The following SNU13 variants were observed in gnomAD, a reference collection of about 807,000 sequenced individuals.
The protein encoded by SNU13 is NHP2-like protein 1.
Under a neutral mutation model 12.4 loss-of-function variants are expected in SNU13, and 2 were observed. The ratio of observed to expected loss-of-function variants is 0.16; its 90% CI spans 0.07 to 0.51. The LOEUF is 0.51. SNU13 is among the 20% of genes least tolerant of loss of function. The pLI is 0.96. For synonymous variants in SNU13, 68 were observed against 66.5 expected (o/e 1.02, Z -0.11); for missense variants, 66 against 157.8 (o/e 0.42, Z 3.12).
intron 2 of SNU13, among the ~76,000 whole-genome samples, 185 bp from the exon 3 acceptor site, chr22:41,675,380 ACCACTTATCCT>A (rs1327826352): frequency 6.6e-6 from 1 of 151,576 alleles, no homozygotes; most frequent in Non-Finnish European, 1.5e-5. Flanking sequence ...CATTAAATCC[ACCACTTATCCT>A]CAAAACACGT....
intron 2 of SNU13, among the ~76,000 whole-genome samples, chr22:41,675,755 T>C (rs867885760): frequency 8.0e-5 from 12 of 149,598 alleles, no homozygotes; most frequent in South Asian, 2.1e-4. Context: ...TTTTTTTTTT[T>C]TTTTTCTTTT....
chr22:41,680,107 C>A, intron 2 of SNU13, 137 bp downstream of exon 2: 1 of 1,136,120 alleles, frequency 8.8e-7, no homozygotes. Flanking sequence ...TCAGCTTTAG[C>A]ATCTAATGCC....
At chr22:41,676,349 G>C (rs949809656) in intron 2 of SNU13, among the ~76,000 whole-genome samples, 3 of 151,802 alleles carry the variant, frequency 2.0e-5, no homozygotes, top group African/African-American at 7.3e-5. Flanking sequence ...TGGAGTACTT[G>C]AGAAGGGCAC....
At position 41,674,570 on chromosome 22, in the gene SNU13, C is replaced by T; in HGVS notation, c.*363G>A. ...TGAATGCTGTTTAATTCCACCACAC[C>T]CCGCACACAACAGGAAGCTAGTGGC... On this transcript the variant is annotated 3_prime_UTR_variant, in exon 3 of 3. Transcript: ENST00000401959. 4.0e-6 allele frequency: 1 copy of T among 251,836 alleles called. No individual in the cohort carries two copies. The highest frequency in any genetic ancestry group is 7.8e-6 in the Non-Finnish European group (1 of 128,050). 15.6% of individuals were successfully genotyped at this position (251,836 alleles called of 1,614,324 possible). A position where few individuals can be genotyped will look rare whatever the true frequency, so the allele number is the denominator to read the frequency against.
In SNU13 at chr22:41,674,788, AC is replaced by A; in HGVS notation, c.*144del. 8.6e-7 allele frequency: 1 copy of A among 1,164,996 alleles called. No homozygotes were observed. Among genetic ancestry groups the A allele is most frequent in the Non-Finnish European group, 1.2e-6 (1 of 837,108 alleles). The allele number at this position is 1,164,996 out of a possible 1,614,324, so 72.2% of individuals were successfully genotyped here. A position where few individuals can be genotyped will look rare whatever the true frequency, so the allele number is the denominator to read the frequency against. ...AGCAACCCTGTAAAACAGAACAAAA[AC>A]AACACAAAAATCCAGAAACCAGATT... On this transcript the variant is annotated 3_prime_UTR_variant, in exon 3 of 3. Transcript: ENST00000401959.
upstream of SNU13, among the ~76,000 whole-genome samples, chr22:41,690,205 T>C (rs188536608): frequency 4.6e-5 from 7 of 151,988 alleles, no homozygotes; most frequent in East Asian, 1.4e-3. Context: ...GCATGTTGAG[T>C]GGTTAAACAA....
At chr22:41,689,732 C>G (rs2068345000), upstream of SNU13, among the ~76,000 whole-genome samples, 1 of 151,900 alleles carries the variant, frequency 6.6e-6, no homozygotes, top group South Asian at 2.1e-4. Flanking sequence ...AATCCCAGCA[C>G]TTTGGGAAGC....
At chr22:41,687,278 A>G (rs912975887) in intron 1 of SNU13, among the ~76,000 whole-genome samples, 1 of 152,154 alleles carries the variant, frequency 6.6e-6, no homozygotes, top group Non-Finnish European at 1.5e-5. Context: ...TTTAAAATAG[A>G]TATACTTAGA....
At chr22:41,678,616 C>T (rs1170758231) in intron 2 of SNU13, among the ~76,000 whole-genome samples, 2 of 152,160 alleles carry the variant, frequency 1.3e-5, no homozygotes, top group East Asian at 1.9e-4. Flanking sequence ...GAGTCCTCAT[C>T]TACCTGAAGT....
At chr22:41,683,486 C>T (rs966604618) in intron 1 of SNU13, among the ~76,000 whole-genome samples, 1 of 152,092 alleles carries the variant, frequency 6.6e-6, no homozygotes, top group Non-Finnish European at 1.5e-5. Flanking sequence ...AGCAATCTTC[C>T]TGCCTGGGCA....
intron 2 of SNU13, among the ~76,000 whole-genome samples, chr22:41,679,376 G>C (rs2068242356): frequency 6.6e-6 from 1 of 152,164 alleles, no homozygotes; most frequent in South Asian, 2.1e-4. Flanking sequence ...GACCAACATA[G>C]TGAAACCCCA....
intron 1 of SNU13, among the ~76,000 whole-genome samples, chr22:41,683,371 A>T (rs2068282542): frequency 6.6e-6 from 1 of 152,060 alleles, no homozygotes; most frequent in African/African-American, 2.4e-5. Context: ...CAGACTCCCA[A>T]GTAGCTGGGA....
intron 1 of SNU13, chr22:41,682,516 C>T (rs1243573904): frequency 5.9e-6 from 9 of 1,534,104 alleles, no homozygotes; most frequent in South Asian, 1.2e-5. Context: ...CCAGGGCCAG[C>T]CCGTACACCA....
At chr22:41,686,411 TCTC>T (rs2068310537) in intron 1 of SNU13, among the ~76,000 whole-genome samples, 1 of 151,600 alleles carries the variant, frequency 6.6e-6, no homozygotes, top group South Asian at 2.1e-4. Context: ...TTCAAGGAAT[TCTC>T]CTGCCTCAGC....
At chr22:41,675,301 C>T (rs749360834) in intron 2 of SNU13, 106 bp from the exon 3 acceptor site, 208 of 1,391,104 alleles carry the variant, frequency 1.5e-4, no homozygotes, top group Non-Finnish European at 1.9e-4. Flanking sequence ...TGTCCTAGAC[C>T]GGCCCTGGGA....
In SNU13 at chr22:41,674,583, G is replaced by A. The variant is rs1046582780; in HGVS notation, c.*350C>T. On this transcript the variant is annotated 3_prime_UTR_variant, in exon 3 of 3. Coordinates refer to ENST00000401959, the MANE Select transcript of SNU13 (RefSeq NM_001003796.2). ...ATTCCACCACACCCCGCACACAACA[G>A]GAAGCTAGTGGCTGAAAGCTGGAAC... is the stretch of plus-strand genomic sequence containing the variant. 1.4e-5 allele frequency: 4 copies of A among 277,400 alleles called. No homozygotes were observed. The highest frequency in any genetic ancestry group is 2.8e-5 in the Non-Finnish European group (4 of 143,254). The allele number at this position is 277,400 out of a possible 1,614,324, so 17.2% of individuals were successfully genotyped here. A position where few individuals can be genotyped will look rare whatever the true frequency, so the allele number is the denominator to read the frequency against.
At chr22:41,686,365 C>T (rs541096660) in intron 1 of SNU13, among the ~76,000 whole-genome samples, 54 of 150,254 alleles carry the variant, frequency 3.6e-4, no homozygotes, top group Non-Finnish European at 7.4e-4. Flanking sequence ...AGTGCAGTGG[C>T]GCAATCTCGG....
Position 41,674,767 on chromosome 22 carries a change from A to G in SNU13, c.*166T>C. 4.4e-6 allele frequency: 4 copies of G among 908,894 alleles called. No homozygotes were observed. Among genetic ancestry groups the G allele is most frequent in the Non-Finnish European group, 6.5e-6 (4 of 614,264 alleles). 56.3% of individuals were successfully genotyped at this position (908,894 alleles called of 1,614,324 possible). A position where few individuals can be genotyped will look rare whatever the true frequency, so the allele number is the denominator to read the frequency against. On this transcript the variant is annotated 3_prime_UTR_variant, in exon 3 of 3. Coordinates refer to ENST00000401959, the MANE Select transcript of SNU13 (RefSeq NM_001003796.2). Reference sequence around the variant, plus strand: ...AGGGAGGAAAGGAAGGGGGATAGCAACCCTGTAAAACAGAACAAAAACAAC... The same window carrying G: ...AGGGAGGAAAGGAAGGGGGATAGCAGCCCTGTAAAACAGAACAAAAACAAC...
intron 1 of SNU13, chr22:41,682,564 G>C: frequency 6.9e-7 from 1 of 1,453,738 alleles, no homozygotes; most frequent in Non-Finnish European, 9.0e-7. Context: ...TATCTTAGGC[G>C]AATTTGTCTT....
Sources: allele counts gnomAD v4.1 joint callset (sites outside exome capture counted in the v4.1 genomes callset), GRCh38; gene constraint gnomAD v4.1.1; transcripts MANE v1.5; gene names NCBI Gene and HGNC (gene_info 2026-07-23, HGNC 2026-07-21).